The following NRG1 variants were observed in gnomAD, a reference collection of about 807,000 sequenced individuals.
NRG1 encodes pro-neuregulin-1, membrane-bound isoform.
A neutral mutation model predicts 63.8 loss-of-function variants in NRG1; 18 were observed. The ratio of observed to expected loss-of-function variants is 0.28; its 90% CI spans 0.19 to 0.42. The LOEUF (loss-of-function observed/expected upper bound fraction) is 0.42, where lower values mean the gene tolerates loss of function less well. Among genes scored for constraint, NRG1 ranks in the 10% least tolerant of loss-of-function variants. NRG1 has a pLI of 1.00. For missense variants in NRG1, 762 were observed against 814.7 expected (o/e 0.94, Z 0.79); for synonymous variants, 302 against 301.3 (o/e 1.00, Z -0.02).
intron 1 of NRG1, among the ~76,000 whole-genome samples, chr8:31,997,962 C>T (rs187346566): frequency 1.6e-3 from 244 of 152,144 alleles, no homozygotes; most frequent in Non-Finnish European, 2.6e-3. Context: ...TCTGGACAGT[C>T]TATCTTGAGA....
rs184137521 is a variant in NRG1, at chr8:32,249,167, A to T, written c.38-346661A>T. On this transcript the variant is annotated intron_variant, in intron 1 of 10. Transcript: ENST00000519301. ...AATATTTTATTTTTATTTTTTTCAGAGATGGGCTAGATTAGAACTCCTGCC... is the reference window on the plus strand; with the variant it reads ...AATATTTTATTTTTATTTTTTTCAGTGATGGGCTAGATTAGAACTCCTGCC... Among the ~76,000 whole-genome samples the T allele has an allele frequency of 3.7e-3, 556 of 152,162 alleles. 2 individuals carry two copies. The highest frequency in any genetic ancestry group is 0.014 in the Middle Eastern group (4 of 294).
chr8:32,609,740 ACTGGATTCAAGCAATTCTCCTC>A lies in NRG1; in HGVS notation c.400+4079_400+4100del, dbSNP rs1032595470. ...GCAGTGGCAGGATCTCGGCCACTGCACTGGATTCAAGCAATTCTCCTCCTGGATTCAAGCAATTCTCCTGCCT... is the reference window on the plus strand; with the variant it reads ...GCAGTGGCAGGATCTCGGCCACTGCACTGGATTCAAGCAATTCTCCTGCCT... On this transcript the variant is annotated intron_variant, in intron 3 of 11. Coordinates refer to ENST00000356819, the Ensembl canonical transcript of NRG1. Among the ~76,000 whole-genome samples the A allele has an allele frequency of 2.8e-5, 4 of 143,102 alleles. No homozygotes were observed. In the East Asian group the frequency reaches 8.4e-4, roughly 30 times the overall value. The allele number at this position is 143,102 out of a possible 152,430, so 93.9% of individuals were successfully genotyped here. A position where few individuals can be genotyped will look rare whatever the true frequency, so the allele number is the denominator to read the frequency against.
intron 1 of NRG1, among the ~76,000 whole-genome samples, chr8:32,586,208 TCTA>T (rs1841592369): frequency 2.0e-5 from 3 of 148,830 alleles, no homozygotes; most frequent in South Asian, 2.1e-4. Flanking sequence ...TACATTACAT[TCTA>T]CTATATATAC....
intron 1 of NRG1, among the ~76,000 whole-genome samples, chr8:31,946,341 T>C (rs566593009): frequency 1.2e-4 from 18 of 152,296 alleles, no homozygotes; most frequent in African/African-American, 4.3e-4. Context: ...TGAGAAGAGA[T>C]AGACTCAGAA....
At chr8:32,652,432 C>G (rs938343490) in intron 5 of NRG1, among the ~76,000 whole-genome samples, 5 of 152,014 alleles carry the variant, frequency 3.3e-5, no homozygotes, top group Non-Finnish European at 7.4e-5. Context: ...TCTTCATAAC[C>G]CATTTTGTTT....
Position 32,336,857 on chromosome 8 carries a change from G to A in NRG1, c.38-258971G>A, listed in dbSNP as rs1281086686. On this transcript the variant is annotated intron_variant, in intron 1 of 10. Coordinates refer to the NRG1 transcript ENST00000519301. ...ACTCCTGTGCTCAGGTGATCCACCC[G>A]CCTCAGCCTCCCAAAGTGCTGGGAT... Among the ~76,000 whole-genome samples, 11 of 151,920 alleles carry A rather than the reference G, an allele frequency of 7.2e-5. No individual in the cohort carries two copies. In the South Asian group the frequency reaches 1.0e-3, roughly 14 times the overall value.
chr8:31,753,429 G>C (rs894172285), intron 1 of NRG1, among the ~76,000 whole-genome samples: 1 of 151,944 alleles, frequency 6.6e-6, no homozygotes, highest in Non-Finnish European at 1.5e-5. Flanking sequence ...GGTACCTGTT[G>C]TTAGATTTTG....
Position 32,278,358 on chromosome 8 carries a change from A to AT in NRG1, c.38-317470_38-317469insT. Among the ~76,000 whole-genome samples, 7 of 152,318 alleles carry AT rather than the reference A, an allele frequency of 4.6e-5. 3 individuals carry two copies. The South Asian group carries it at 1.4e-3, about 32-fold the overall frequency. On this transcript the variant is annotated intron_variant, in intron 1 of 10. Coordinates refer to the NRG1 transcript ENST00000519301. Reference sequence around the variant, plus strand: ...TTGAGAAACCCCAATCTTCAAAAAAAGGATAAAAGTCTTAGCTTTTGTTCA... The same window carrying AT: ...TTGAGAAACCCCAATCTTCAAAAAAATGGATAAAAGTCTTAGCTTTTGTTCA...
intron 1 of NRG1, among the ~76,000 whole-genome samples, chr8:31,737,006 G>A (rs563265758): frequency 5.3e-5 from 8 of 152,134 alleles, no homozygotes; most frequent in South Asian, 4.2e-4. Context: ...CTTTCCAGTC[G>A]CAGACATCAC....
chr8:32,673,196 T>A (rs1806159663), intron 5 of NRG1, among the ~76,000 whole-genome samples: 1 of 152,216 alleles, frequency 6.6e-6, no homozygotes, highest in African/African-American at 2.4e-5. Flanking sequence ...TCAATATCAA[T>A]TGATAATGTA....
At chr8:32,285,726 A>G (rs916369772) in intron 1 of NRG1, among the ~76,000 whole-genome samples, 3 of 152,136 alleles carry the variant, frequency 2.0e-5, no homozygotes, top group African/African-American at 7.2e-5. Context: ...ACTCTAGGTG[A>G]TGTTTTTATT....
intron 1 of NRG1, among the ~76,000 whole-genome samples, chr8:31,799,510 A>G (rs890208491): frequency 1.3e-5 from 2 of 152,126 alleles, no homozygotes; most frequent in Non-Finnish European, 2.9e-5. Context: ...TAATATTCAC[A>G]GTATCCATGA....
intron 1 of NRG1, among the ~76,000 whole-genome samples, chr8:32,426,623 G>A (rs990058119): frequency 1.3e-5 from 2 of 152,070 alleles, no homozygotes; most frequent in African/African-American, 4.8e-5. Context: ...GTAGACACAG[G>A]CCCTTCTCTC....
At chr8:31,753,527 A>G (rs1411435856) in intron 1 of NRG1, among the ~76,000 whole-genome samples, 1 of 152,136 alleles carries the variant, frequency 6.6e-6, no homozygotes, top group African/African-American at 2.4e-5. Flanking sequence ...AGTAAACAGT[A>G]GTCAATTAAG....
At chr8:32,065,885 G>A (rs868610850) in intron 1 of NRG1, among the ~76,000 whole-genome samples, 8 of 152,164 alleles carry the variant, frequency 5.3e-5, no homozygotes, top group East Asian at 1.9e-4. Context: ...ATTCTAATTG[G>A]TGTGAGACGG....
intron 1 of NRG1, among the ~76,000 whole-genome samples, chr8:31,885,383 A>C (rs561775983): frequency 6.6e-6 from 1 of 152,086 alleles, no homozygotes; most frequent in Admixed American, 6.6e-5. Context: ...GATACAAAAG[A>C]GGTCACTGTG....
At chr8:32,010,324 T>A (rs1814540052) in intron 1 of NRG1, among the ~76,000 whole-genome samples, 1 of 152,096 alleles carries the variant, frequency 6.6e-6, no homozygotes, top group Admixed American at 6.6e-5. Flanking sequence ...GCCATTAGGT[T>A]GTTTTGCAAA....
At chr8:32,218,134 T>A (rs865891598) in intron 1 of NRG1, among the ~76,000 whole-genome samples, 2 of 152,302 alleles carry the variant, frequency 1.3e-5, no homozygotes, top group Middle Eastern at 6.8e-3. Flanking sequence ...AGAAACCTAA[T>A]TCTTGCTGTC....
upstream of NRG1, among the ~76,000 whole-genome samples, chr8:32,546,161 G>T (rs1833042334): frequency 6.6e-6 from 1 of 152,098 alleles, no homozygotes. Context: ...AAATGAAAAT[G>T]TATCACAAAA....
Sources: allele counts gnomAD v4.1 joint callset (sites outside exome capture counted in the v4.1 genomes callset), GRCh38; gene constraint gnomAD v4.1.1; transcripts MANE v1.5; gene names NCBI Gene and HGNC (gene_info 2026-07-23, HGNC 2026-07-21).